SYT15: variants seen among roughly 807,000 people sequenced by gnomAD.
SYT15 encodes the protein synaptotagmin 15.
A neutral mutation model predicts 30.1 loss-of-function variants in SYT15; 4 were observed. The ratio of observed to expected loss-of-function variants is 0.13; its 90% CI spans 0.07 to 0.30. The LOEUF (loss-of-function observed/expected upper bound fraction) is 0.30, where lower values mean the gene tolerates loss of function less well. SYT15 is among the 10% of genes least tolerant of loss of function. The pLI is 1.00. For synonymous variants in SYT15, 19 were observed against 166.3 expected, an observed-to-expected ratio of 0.11 and a Z score of 6.82; for missense variants, 49 against 371.7, an observed-to-expected ratio of 0.13 and a Z score of 7.14.
At chr10:46,580,790 G>A (rs1265190913) in intron 2 of SYT15, 104 bp from the exon 3 acceptor site, 2 of 649,882 alleles carry the variant, frequency 3.1e-6, no homozygotes, top group Non-Finnish European at 5.0e-6. Context: ...GGCTCCCGAT[G>A]GCTTTTCTTC....
At chr10:46,579,597 A>G (rs768455186) in intron 1 of SYT15, among the ~76,000 whole-genome samples, 1 of 141,040 alleles carries the variant, frequency 7.1e-6, no homozygotes, top group Non-Finnish European at 1.5e-5. Context: ...CACCTCGTCC[A>G]CCGCGTCGCA....
chr10:46,580,872 T>A, intron 2 of SYT15, 22 bp from the exon 3 acceptor site: 1 of 1,451,286 alleles, frequency 6.9e-7, no homozygotes, highest in Non-Finnish European at 9.1e-7. Flanking sequence ...CACCTACATG[T>A]TGTCTCCCTG....
rs1845393086 is a variant in SYT15, at chr10:46,590,962, C to T, written c.*3315C>T. The T allele has an allele frequency of 1.4e-5, 2 of 143,334 alleles. No individual in the cohort carries two copies. Among genetic ancestry groups the T allele is most frequent in the Non-Finnish European group, 3.0e-5 (2 of 66,136 alleles). 8.9% of individuals were successfully genotyped at this position (143,334 alleles called of 1,614,324 possible). ...AATAGAAACCAGCAGGGTGTGTACA[C>T]TTTTGTGTGTGTGCGCAGGTTTATA... On this transcript the variant is annotated 3_prime_UTR_variant, in exon 8 of 8. Transcript: ENST00000374321.
In SYT15 at chr10:46,590,578, A is replaced by G. The variant is rs1428686535; in HGVS notation, c.*2931A>G. On this transcript the variant is annotated 3_prime_UTR_variant, in exon 8 of 8. Transcript: ENST00000374321. ...GAGCTAATAAGTTTGGCAAGGTTGCAAGATATAAAATTGGTATACAAATTG... is the reference window on the plus strand; with the variant it reads ...GAGCTAATAAGTTTGGCAAGGTTGCGAGATATAAAATTGGTATACAAATTG... The G allele has an allele frequency of 2.3e-5, 3 of 128,178 alleles. No individual in the cohort carries two copies. The highest frequency in any genetic ancestry group is 4.9e-5 in the Non-Finnish European group (3 of 60,862). 7.9% of individuals were successfully genotyped at this position (128,178 alleles called of 1,614,324 possible). A position where few individuals can be genotyped will look rare whatever the true frequency, so the allele number is the denominator to read the frequency against.
downstream of SYT15, chr10:46,593,320 G>T (rs1555044550): frequency 6.9e-6 from 1 of 144,790 alleles, no homozygotes; most frequent in East Asian, 2.0e-4. Flanking sequence ...GTTGGGTGCG[G>T]TGGCTCACGC....
At position 46,586,315 on chromosome 10, in the gene SYT15, G is replaced by C. The variant is rs1193377025; in HGVS notation, c.1123+538G>C. Among the ~76,000 whole-genome samples, 5 of 132,810 alleles carry C rather than the reference G, an allele frequency of 3.8e-5. 1 individual carries two copies. Among genetic ancestry groups the C allele is most frequent in the African/African-American group, 1.6e-4 (5 of 30,522 alleles). The allele number at this position is 132,810 out of a possible 152,430, so 87.1% of individuals were successfully genotyped here. A position where few individuals can be genotyped will look rare whatever the true frequency, so the allele number is the denominator to read the frequency against. On this transcript the variant is annotated intron_variant, in intron 7 of 7. Transcript: ENST00000374321. ...TAATCCCAGCACTTTGGAAGGCCGA[G>C]GTAGGCAGATCACGAGGTCAGGAGA... is the stretch of plus-strand genomic sequence containing the variant.
chr10:46,580,717 T>TGTGTGTGC (rs1427264475), intron 2 of SYT15, among the ~76,000 whole-genome samples, 177 bp from the exon 3 acceptor site: 2 of 129,044 alleles, frequency 1.5e-5, no homozygotes, highest in African/African-American at 6.5e-5. Flanking sequence ...TGTGTGTGTG[T>TGTGTGTGC]GCGTGTGTGT....
In SYT15 at chr10:46,591,809, C is replaced by A. The variant is rs1294751247; in HGVS notation, c.*4162C>A. 2.0e-4 allele frequency: 28 copies of A among 143,238 alleles called. 1 individual carries two copies. Among genetic ancestry groups the A allele is most frequent in the Non-Finnish European group, 1.2e-4 (8 of 66,062 alleles). 8.9% of individuals were successfully genotyped at this position (143,238 alleles called of 1,614,324 possible). On this transcript the variant is annotated 3_prime_UTR_variant, in exon 8 of 8. Coordinates refer to ENST00000374321, the MANE Select transcript of SYT15 (RefSeq NM_031912.5). ...TAGAGGTTGTGTTATTAGGCTCATACCCATTTAAAATTGACGTTTTCTGGT... is the reference window on the plus strand; with the variant it reads ...TAGAGGTTGTGTTATTAGGCTCATAACCATTTAAAATTGACGTTTTCTGGT...
Position 46,590,842 on chromosome 10 carries a change from C to A in SYT15, c.*3195C>A, listed in dbSNP as rs1266988404. 6 of 123,242 alleles carry A rather than the reference C, an allele frequency of 4.9e-5. No individual in the cohort carries two copies. The highest frequency in any genetic ancestry group is 2.4e-4 in the East Asian group (1 of 4,208). The allele number at this position is 123,242 out of a possible 1,614,324, so 7.6% of individuals were successfully genotyped here. On this transcript the variant is annotated 3_prime_UTR_variant, in exon 8 of 8. Coordinates refer to ENST00000374321, the MANE Select transcript of SYT15 (RefSeq NM_031912.5). ...TTTCTCTCAAATACTTACTCTGCAC[C>A]TTTTGAAATAATTTTATTTTTCTCC...
chr10:46,597,077 C>G (rs1213983252), downstream of SYT15, among the ~76,000 whole-genome samples: 2 of 142,242 alleles, frequency 1.4e-5, no homozygotes, highest in African/African-American at 5.6e-5. Context: ...AAATAGAAAA[C>G]AAGAATAAAA....
At chr10:46,586,415 T>G (rs1442066504) in intron 7 of SYT15, among the ~76,000 whole-genome samples, 3 of 103,874 alleles carry the variant, frequency 2.9e-5, no homozygotes, top group East Asian at 2.7e-4. Context: ...GTGTGGTGGC[T>G]GGTGCCTGTA....
intron 2 of SYT15, among the ~76,000 whole-genome samples, 183 bp from the exon 3 acceptor site, chr10:46,580,711 T>TGC (rs1198926546): frequency 7.4e-5 from 9 of 122,334 alleles, no homozygotes; most frequent in African/African-American, 3.1e-4. Context: ...TGTGTGTGTG[T>TGC]GTGTGTGCGT....
intron 7 of SYT15, among the ~76,000 whole-genome samples, chr10:46,586,738 G>A (rs1336159102): frequency 1.7e-5 from 2 of 119,826 alleles, no homozygotes; most frequent in Admixed American, 8.3e-5. Context: ...CCAACTACTC[G>A]GGAGGCTGAA....
At position 46,580,888 on chromosome 10, in the gene SYT15, G is replaced by A. The variant is rs782706229; in HGVS notation, c.213-6G>A. ...ACCTACATGTTGTCTCCCTGACTCT[G>A]GACAGGCCACCAGCTGTGCCATTCG... is the stretch of plus-strand genomic sequence containing the variant. On this transcript the variant is annotated splice_polypyrimidine_tract_variant and splice_region_variant and intron_variant, in intron 2 of 7. Transcript: ENST00000374321. The A allele has an allele frequency of 1.9e-5, 27 of 1,442,488 alleles. 4 individuals carry two copies. The highest frequency in any genetic ancestry group is 2.3e-5 in the Non-Finnish European group (25 of 1,089,816). The allele number at this position is 1,442,488 out of a possible 1,614,324, so 89.4% of individuals were successfully genotyped here. A position where few individuals can be genotyped will look rare whatever the true frequency, so the allele number is the denominator to read the frequency against.
rs1488864799 is a variant in SYT15, at chr10:46,591,874, C to T, written c.*4227C>T. On this transcript the variant is annotated 3_prime_UTR_variant, in exon 8 of 8. Coordinates refer to ENST00000374321, the MANE Select transcript of SYT15 (RefSeq NM_031912.5). Reference sequence around the variant, plus strand: ...TTATGTGAAATGGCTTTCTCTACCACTCACAATGGTATTTTTTTCACTTTC... The same window carrying T: ...TTATGTGAAATGGCTTTCTCTACCATTCACAATGGTATTTTTTTCACTTTC... 7.1e-6 allele frequency: 1 copy of T among 141,438 alleles called. No homozygotes were observed. Among genetic ancestry groups the T allele is most frequent in the African/African-American group, 2.8e-5 (1 of 35,838 alleles). 8.8% of individuals were successfully genotyped at this position (141,438 alleles called of 1,614,324 possible).
chr10:46,584,134 T>C (rs1555039182), intron 5 of SYT15, among the ~76,000 whole-genome samples: 9 of 147,550 alleles, frequency 6.1e-5, no homozygotes, highest in Non-Finnish European at 3.0e-5. Context: ...TCAGACCCCC[T>C]GGAGCAACCT....
chr10:46,586,866 GAAAA>G (rs1555041103), intron 7 of SYT15, among the ~76,000 whole-genome samples: 6 of 53,678 alleles, frequency 1.1e-4, no homozygotes, highest in African/African-American at 5.2e-4. Flanking sequence ...GAAAAGAAAA[GAAAA>G]AGAAAGAGGT....
At position 46,590,991 on chromosome 10, in the gene SYT15, A is replaced by G. The variant is rs1253813993; in HGVS notation, c.*3344A>G. On this transcript the variant is annotated 3_prime_UTR_variant, in exon 8 of 8. Coordinates refer to ENST00000374321, the MANE Select transcript of SYT15 (RefSeq NM_031912.5). ...TGTGTGTGTGCGCAGGTTTATACAC[A>G]TAAACACAACAATACTTGGACTTAT... is the stretch of plus-strand genomic sequence containing the variant. 99 of 144,198 alleles carry G rather than the reference A, an allele frequency of 6.9e-4. 18 individuals are homozygous for G. The highest frequency in any genetic ancestry group is 2.6e-3 in the African/African-American group (95 of 37,110). 8.9% of individuals were successfully genotyped at this position (144,198 alleles called of 1,614,324 possible).
intron 7 of SYT15, among the ~76,000 whole-genome samples, chr10:46,586,616 AG>A (rs1345163716): frequency 7.1e-6 from 1 of 140,780 alleles, no homozygotes; most frequent in Admixed American, 7.0e-5. Flanking sequence ...GGAGACCGAG[AG>A]GGGTGGATCA....
Sources: allele counts gnomAD v4.1 joint callset (sites outside exome capture counted in the v4.1 genomes callset), GRCh38; gene constraint gnomAD v4.1.1; transcripts MANE v1.5; gene names NCBI Gene and HGNC (gene_info 2026-07-23, HGNC 2026-07-21).